Variants in ZNF365 observed in about 807,000 individuals in gnomAD.
The protein encoded by ZNF365 is protein ZNF365.
Under a neutral mutation model 35.0 loss-of-function variants are expected in ZNF365, and 22 were observed. The ratio of observed to expected loss-of-function variants is 0.63; its 90% CI spans 0.45 to 0.90. The LOEUF (loss-of-function observed/expected upper bound fraction) is 0.90, where lower values mean the gene tolerates loss of function less well. Ranked by LOEUF, ZNF365 falls within the 40% of genes least tolerant of loss-of-function variation. The probability of loss-of-function intolerance (pLI) is 0.00; values close to 1 mark genes in which losing one functional copy is unlikely to be tolerated. For synonymous variants in ZNF365, 188 were observed against 196.2 expected, an observed-to-expected ratio of 0.96 and a Z score of 0.35; for missense variants, 448 against 500.3, an observed-to-expected ratio of 0.90 and a Z score of 1.00.
At chr10:62,398,923 T>C in intron 4 of ZNF365, 146 bp downstream of exon 4, 2 of 746,432 alleles carry the variant, frequency 2.7e-6, no homozygotes, top group Non-Finnish European at 4.3e-6. Flanking sequence ...CTGACCTGCA[T>C]GTGTATCTAA....
At chr10:62,476,347 G>A in intron 4 of ZNF365, among the ~76,000 whole-genome samples, 1 of 152,126 alleles carries the variant, frequency 6.6e-6, no homozygotes. Context: ...CCACAGTTGG[G>A]ATTCTAACTG....
intron 3 of ZNF365, among the ~76,000 whole-genome samples, chr10:62,437,266 G>A (rs1191400546): frequency 6.6e-6 from 1 of 152,186 alleles, no homozygotes; most frequent in Non-Finnish European, 1.5e-5. Flanking sequence ...TGATTTGTAA[G>A]TAGCAGTTTG....
At chr10:62,383,681 C>A (rs1839477785) in intron 2 of ZNF365, among the ~76,000 whole-genome samples, 1 of 152,250 alleles carries the variant, frequency 6.6e-6, no homozygotes, top group Admixed American at 6.5e-5. Flanking sequence ...ACTCTCTGCA[C>A]ATGCTTCTAG....
intron 3 of ZNF365, among the ~76,000 whole-genome samples, chr10:62,410,171 G>C (rs1458457070): frequency 6.6e-6 from 1 of 152,000 alleles, no homozygotes; most frequent in Admixed American, 6.6e-5. Context: ...TGTTGGTTTT[G>C]TTCACTGACT....
chr10:62,437,063 G>A lies in ZNF365; in HGVS notation c.925-22678G>A, dbSNP rs188767375. 6.6e-5 allele frequency among the ~76,000 whole-genome samples: 10 copies of A among 152,322 alleles called. 1 individual carries two copies. In the East Asian group the frequency reaches 1.7e-3, roughly 26 times the overall value. On this transcript the variant is annotated intron_variant, in intron 3 of 4. Coordinates refer to the ZNF365 transcript ENST00000395255. ...ATACCACATTTAAATGTATGTATGAGAAATGTATTCTCTGTTTCCAGTGAT... is the reference window on the plus strand; with the variant it reads ...ATACCACATTTAAATGTATGTATGAAAAATGTATTCTCTGTTTCCAGTGAT...
chr10:62,435,018 A>G (rs1361730619), intron 3 of ZNF365, among the ~76,000 whole-genome samples: 1 of 152,206 alleles, frequency 6.6e-6, no homozygotes, highest in Non-Finnish European at 1.5e-5. Flanking sequence ...TGAATTCCAG[A>G]AGCAGAGATA....
intron 3 of ZNF365, among the ~76,000 whole-genome samples, chr10:62,456,943 G>A (rs1840771002): frequency 1.3e-5 from 2 of 152,186 alleles, no homozygotes; most frequent in African/African-American, 4.8e-5. Flanking sequence ...GATTGGGCTT[G>A]TTGGGGGTTC....
At chr10:62,426,259 G>A (rs1840249090) in intron 3 of ZNF365, among the ~76,000 whole-genome samples, 1 of 152,024 alleles carries the variant, frequency 6.6e-6, no homozygotes, top group Non-Finnish European at 1.5e-5. Flanking sequence ...GCTTTGATCA[G>A]TGCCATGCTA....
At chr10:62,395,015 A>G (rs962443043) in intron 3 of ZNF365, among the ~76,000 whole-genome samples, 2 of 152,020 alleles carry the variant, frequency 1.3e-5, no homozygotes, top group African/African-American at 2.4e-5. Flanking sequence ...AGAGGGAGAG[A>G]GTGGGGAGTA....
At position 62,411,545 on chromosome 10, in the gene ZNF365, C is replaced by T. The variant is rs570357998; in HGVS notation, c.924+22969C>T. Among the ~76,000 whole-genome samples the T allele has an allele frequency of 3.3e-5, 5 of 152,246 alleles. No individual in the cohort carries two copies. In the South Asian group the frequency reaches 1.0e-3, roughly 32 times the overall value. On this transcript the variant is annotated intron_variant, in intron 3 of 4. Coordinates refer to the ZNF365 transcript ENST00000395255. ...TTTATTAAATAGGGAATCCTTTCCTCATTGCTTGTTTTTGTCAGGTTTGTT... is the reference window on the plus strand; with the variant it reads ...TTTATTAAATAGGGAATCCTTTCCTTATTGCTTGTTTTTGTCAGGTTTGTT...
chr10:62,414,928 C>A (rs1308591524), intron 3 of ZNF365, among the ~76,000 whole-genome samples: 1 of 151,912 alleles, frequency 6.6e-6, no homozygotes, highest in Non-Finnish European at 1.5e-5. Context: ...TTTCTATTGA[C>A]CATTCTTCTG....
At chr10:62,426,126 G>C (rs1046391423) in intron 3 of ZNF365, among the ~76,000 whole-genome samples, 2 of 151,978 alleles carry the variant, frequency 1.3e-5, no homozygotes, top group African/African-American at 4.8e-5. Context: ...CCCCACACCT[G>C]ATTGTGTGAT....
chr10:62,395,783 G>A (rs752144928), intron 3 of ZNF365, among the ~76,000 whole-genome samples: 5 of 152,168 alleles, frequency 3.3e-5, no homozygotes, highest in African/African-American at 4.8e-5. Context: ...GAACTGGTAA[G>A]TAGAATGCAA....
chr10:62,422,712 A>T (rs759675983), intron 3 of ZNF365, among the ~76,000 whole-genome samples: 1 of 152,176 alleles, frequency 6.6e-6, no homozygotes, highest in Non-Finnish European at 1.5e-5. Context: ...GCCCTAGTAG[A>T]GACTGAATGC....
In ZNF365 at chr10:62,471,092, T is replaced by C. The variant is rs13376977; in HGVS notation, c.982-8784T>C. Among the ~76,000 whole-genome samples the C allele has an allele frequency of 4.5e-3, 686 of 152,054 alleles. 5 individuals are homozygous for C. The highest frequency in any genetic ancestry group is 0.014 in the African/African-American group (582 of 41,490). ...GATCAAATAGGTAATCTAGGCCGGG[T>C]GCCGTGGCTCACTCCTGTAAGCCCA... On this transcript the variant is annotated intron_variant, in intron 4 of 4. Coordinates refer to the ZNF365 transcript ENST00000395255.
At chr10:62,406,454 A>G (rs1459089224), downstream of ZNF365, among the ~76,000 whole-genome samples, 1 of 152,124 alleles carries the variant, frequency 6.6e-6, no homozygotes, top group Non-Finnish European at 1.5e-5. Context: ...TGTCATTTCC[A>G]TAAAAAGGGG....
intron 3 of ZNF365, among the ~76,000 whole-genome samples, chr10:62,444,180 C>T (rs1393949755): frequency 6.6e-6 from 1 of 152,176 alleles, no homozygotes; most frequent in African/African-American, 2.4e-5. Context: ...TTTCTGCCCC[C>T]ATTTCCCATC....
At chr10:62,462,122 T>C (rs930437807) in intron 4 of ZNF365, among the ~76,000 whole-genome samples, 1 of 152,190 alleles carries the variant, frequency 6.6e-6, no homozygotes, top group African/African-American at 2.4e-5. Context: ...CACCCAACCA[T>C]GTATACAGGG....
chr10:62,444,306 G>T (rs1840548514), intron 3 of ZNF365, among the ~76,000 whole-genome samples: 1 of 152,048 alleles, frequency 6.6e-6, no homozygotes. Context: ...CCATTGAGAG[G>T]CCCCGGTAGG....
Sources: allele counts gnomAD v4.1 joint callset (sites outside exome capture counted in the v4.1 genomes callset), GRCh38; gene constraint gnomAD v4.1.1; transcripts MANE v1.5; gene names NCBI Gene and HGNC (gene_info 2026-07-23, HGNC 2026-07-21).